Variants in SWAP70 observed in about 807,000 individuals in gnomAD.
SWAP70 encodes switch-associated protein 70.
Under a neutral mutation model 80.2 loss-of-function variants are expected in SWAP70, and 34 were observed. The observed-to-expected ratio is 0.42, with a 90% CI of 0.32 to 0.56. SWAP70 has a LOEUF of 0.56. SWAP70 is among the 20% of genes least tolerant of loss of function. SWAP70 has a pLI of 0.09. For synonymous variants in SWAP70, 239 were observed against 238.5 expected (o/e 1.00, Z -0.02); for missense variants, 578 against 690.7 (o/e 0.84, Z 1.83).
At chr11:9,692,224 A>G (rs914048735) in intron 1 of SWAP70, among the ~76,000 whole-genome samples, 1 of 148,166 alleles carries the variant, frequency 6.7e-6, no homozygotes, top group Non-Finnish European at 1.5e-5. Context: ...TAAAATATAT[A>G]TATATATATA....
intron 9 of SWAP70, among the ~76,000 whole-genome samples, chr11:9,747,464 G>A (rs1449613706): frequency 6.6e-6 from 1 of 152,110 alleles, no homozygotes; most frequent in Non-Finnish European, 1.5e-5. Context: ...CCTGCCACCT[G>A]GCAGGTGGAT....
chr11:9,730,171 C>T (rs886187689), intron 6 of SWAP70, among the ~76,000 whole-genome samples: 19 of 151,978 alleles, frequency 1.3e-4, no homozygotes, highest in African/African-American at 3.6e-4. Context: ...TCCATGTGTA[C>T]ACATATTTTA....
chr11:9,694,261 A>G lies in SWAP70; in HGVS notation c.215A>G (p.Tyr72Cys), dbSNP rs1210961726. The G allele has an allele frequency of 3.1e-6, 5 of 1,611,950 alleles. No individual in the cohort carries two copies. Among genetic ancestry groups the G allele is most frequent in the Admixed American group, 1.7e-5 (1 of 59,608 alleles). Residue 72 changes from tyrosine to cysteine, a missense_variant, in exon 2 of 12, where the codon TAT (tyrosine) becomes TGT (cysteine). By Grantham distance (194) the Tyr-to-Cys change is radical. Transcript: ENST00000318950. Reference sequence around the variant, plus strand: ...GTGTCCAACCAGGGCTACATGCCTTATTTAAACAGGTTCATTTTGGAAAAG... The same window carrying G: ...GTGTCCAACCAGGGCTACATGCCTTGTTTAAACAGGTTCATTTTGGAAAAG... ...GPVSNQGYMP[Y>C]LNRFILEKVQ...
At chr11:9,706,856 G>A (rs1341554604) in intron 2 of SWAP70, among the ~76,000 whole-genome samples, 2 of 151,788 alleles carry the variant, frequency 1.3e-5, no homozygotes, top group Admixed American at 6.6e-5. Context: ...TATATGGTCA[G>A]TACATCATAT....
At chr11:9,719,651 G>C (rs1386640500) in intron 3 of SWAP70, among the ~76,000 whole-genome samples, 1 of 152,144 alleles carries the variant, frequency 6.6e-6, no homozygotes, top group African/African-American at 2.4e-5. Context: ...AGATGTTTCT[G>C]TCACATAGTT....
chr11:9,729,466 T>A lies in SWAP70; in HGVS notation c.898+15T>A, dbSNP rs1356053201. On this transcript the variant is annotated intron_variant, in intron 6 of 11. Transcript: ENST00000318950. ...GTGGATTCAAGGTAAGGTGATTTTT[T>A]ATTATTTGCCATGATATAACTTGAA... 1 of 1,551,730 alleles carries A rather than the reference T, an allele frequency of 6.4e-7. No homozygotes were observed. Among genetic ancestry groups the A allele is most frequent in the Non-Finnish European group, 8.9e-7 (1 of 1,127,922 alleles).
chr11:9,666,665 T>C (rs558295380), intron 1 of SWAP70, among the ~76,000 whole-genome samples: 55 of 152,148 alleles, frequency 3.6e-4, no homozygotes, highest in Middle Eastern at 3.4e-3. Context: ...CTTTTAAAGA[T>C]CTTAAGAGGA....
At chr11:9,672,246 G>C (rs1461287595) in intron 1 of SWAP70, among the ~76,000 whole-genome samples, 3 of 107,092 alleles carry the variant, frequency 2.8e-5, no homozygotes, top group African/African-American at 1.0e-4. Flanking sequence ...AAGTAATCAG[G>C]TTGGTTCTTC....
chr11:9,701,774 A>G (rs12789209), intron 2 of SWAP70, among the ~76,000 whole-genome samples: 31,574 of 139,470 alleles, frequency 0.23, 4,476 homozygotes, highest in Non-Finnish European at 0.32. Context: ...GTGGTATATT[A>G]CTACCTTCTA....
intron 1 of SWAP70, among the ~76,000 whole-genome samples, chr11:9,687,941 C>T (rs1031933782): frequency 4.9e-4 from 75 of 152,088 alleles, no homozygotes; most frequent in Non-Finnish European, 1.3e-4. Context: ...ATGAATGACC[C>T]AATCTTGAAG....
At chr11:9,719,989 G>A in intron 3 of SWAP70, 3 of 865,946 alleles carry the variant, frequency 3.5e-6, no homozygotes, top group South Asian at 1.1e-4. Context: ...CATCTTGAAA[G>A]TTTTTTCTTT....
chr11:9,670,391 A>G (rs1160091523), intron 1 of SWAP70, among the ~76,000 whole-genome samples: 4 of 152,210 alleles, frequency 2.6e-5, no homozygotes, highest in Admixed American at 2.0e-4. Context: ...TGGAAAAGCC[A>G]CAAGAAGGAG....
intron 2 of SWAP70, among the ~76,000 whole-genome samples, chr11:9,702,212 T>G (rs1270097566): frequency 6.6e-6 from 1 of 152,040 alleles, no homozygotes; most frequent in African/African-American, 2.4e-5. Flanking sequence ...AGTCTCAAGT[T>G]TCTTCTGTTA....
chr11:9,736,531 T>C (rs139475949), intron 7 of SWAP70, among the ~76,000 whole-genome samples: 193 of 152,222 alleles, frequency 1.3e-3, no homozygotes, highest in African/African-American at 4.2e-3. Flanking sequence ...TGCTCCTTTA[T>C]TTGTTTAGTG....
chr11:9,708,358 T>C (rs998116640), intron 2 of SWAP70, among the ~76,000 whole-genome samples: 2 of 152,216 alleles, frequency 1.3e-5, no homozygotes, highest in African/African-American at 4.8e-5. Flanking sequence ...TGAGGTGATA[T>C]CACACTGTGT....
intron 1 of SWAP70, among the ~76,000 whole-genome samples, chr11:9,667,898 T>C (rs1850328370): frequency 6.6e-6 from 1 of 152,114 alleles, no homozygotes; most frequent in African/African-American, 2.4e-5. Context: ...TTGTATTTTT[T>C]ATTTTTTTGA....
intron 4 of SWAP70, among the ~76,000 whole-genome samples, chr11:9,725,606 G>A (rs1377232944): frequency 8.0e-6 from 1 of 124,314 alleles, no homozygotes; most frequent in Non-Finnish European, 1.6e-5. Context: ...GGAATTTCAC[G>A]CTGTCACCAG....
At chr11:9,715,368 C>T (rs1041646103) in intron 3 of SWAP70, among the ~76,000 whole-genome samples, 2 of 152,122 alleles carry the variant, frequency 1.3e-5, no homozygotes, top group African/African-American at 4.8e-5. Flanking sequence ...GCAATTTGGT[C>T]TGTCCTATTT....
intron 1 of SWAP70, among the ~76,000 whole-genome samples, chr11:9,671,516 A>ATT: frequency 1.4e-5 from 1 of 69,580 alleles, no homozygotes; most frequent in Non-Finnish European, 2.7e-5. Flanking sequence ...ATATAAATAT[A>ATT]TATATAAATA....
Sources: allele counts gnomAD v4.1 joint callset (sites outside exome capture counted in the v4.1 genomes callset), GRCh38; gene constraint gnomAD v4.1.1; transcripts MANE v1.5; gene names NCBI Gene and HGNC (gene_info 2026-07-23, HGNC 2026-07-21).